The following ADAM15 variants were observed in gnomAD, a reference collection of about 807,000 sequenced individuals.
The protein encoded by ADAM15 is ADAM metallopeptidase domain 15, also known as disintegrin and metalloproteinase domain-containing protein 15.
A neutral mutation model predicts 113.8 loss-of-function variants in ADAM15; 77 were observed. The observed-to-expected ratio is 0.68, with a 90% CI of 0.56 to 0.82. The LOEUF is 0.82. ADAM15 is among the 40% of genes least tolerant of loss of function. ADAM15 has a pLI of 0.00. For synonymous variants in ADAM15, 388 were observed against 454.1 expected (o/e 0.85, Z 1.85); for missense variants, 963 against 1,120.1 (o/e 0.86, Z 2.00).
chr1:155,053,765 C>A, intron 3 of ADAM15, 145 bp from the exon 4 acceptor site: 1 of 919,524 alleles, frequency 1.1e-6, no homozygotes, highest in South Asian at 1.6e-5. Flanking sequence ...AACCAGTATA[C>A]TTTGCTGCCC....
At position 155,059,880 on chromosome 1, in the gene ADAM15, T is replaced by C. The variant is rs201312896; in HGVS notation, c.1996-22T>C. ...TAGTTCCAGAGTGCAGAGCTCCTCATTGCTCGCCTTGTACCTCCTAGGTCT... is the reference window on the plus strand; with the variant it reads ...TAGTTCCAGAGTGCAGAGCTCCTCACTGCTCGCCTTGTACCTCCTAGGTCT... On this transcript the variant is annotated intron_variant, in intron 16 of 22. Transcript: ENST00000356955. The C allele has an allele frequency of 3.7e-6, 6 of 1,612,622 alleles. No homozygotes were observed. The African/African-American group carries it at 6.7e-5, about 18-fold the overall frequency.
intron 16 of ADAM15, among the ~76,000 whole-genome samples, chr1:155,059,455 T>C (rs1662253888): frequency 6.6e-6 from 1 of 152,064 alleles, no homozygotes; most frequent in Non-Finnish European, 1.5e-5. Context: ...GAGACCCCCA[T>C]CTCTTTCAAG....
Position 155,058,495 on chromosome 1 carries a change from A to G in ADAM15, c.1917+54A>G, listed in dbSNP as rs114918994. The G allele has an allele frequency of 2.0e-3, 3,244 of 1,593,660 alleles. 51 individuals are homozygous for G. In the African/African-American group the frequency reaches 0.034, roughly 17 times the overall value. The stretch of plus-strand genomic sequence containing the variant: ...TGTGAGAAGGGACATTTGGACCACA[A>G]TGAACAGAGCCCAGACTTCACCATT... On this transcript the variant is annotated intron_variant, in intron 15 of 22. Transcript: ENST00000356955. The surrounding 1 kb of genome is among the most constrained non-coding windows in gnomAD (Gnocchi z 4.3).
rs746994356 is a variant in ADAM15 at position 155,057,051 on chromosome 1, C to T, written c.1098C>T (p.Pro366=). The part of the protein sequence containing the change: ...LDHDLPGNSC[P]CPGPAPAKTC... Reference sequence around the variant, plus strand: ...ATGATTTGCCTGGGAATAGCTGCCCCTGTCCAGGTCCAGCCCCAGCCAAGA... The same window carrying T: ...ATGATTTGCCTGGGAATAGCTGCCCTTGTCCAGGTCCAGCCCCAGCCAAGA... The change falls in exon 11 of 23, where the codon CCC becomes CCT. Residue 366 remains proline, a synonymous_variant. Transcript: ENST00000356955. The surrounding 1 kb of genome is among the most constrained non-coding windows in gnomAD (Gnocchi z 5.0). 2 of 1,600,732 alleles carry T rather than the reference C, an allele frequency of 1.2e-6. No individual in the cohort carries two copies. The highest frequency in any genetic ancestry group is 1.7e-4 in the Middle Eastern group (1 of 6,010).
intron 17 of ADAM15, 61 bp downstream of exon 17, chr1:155,060,035 G>GC (rs1193990738): frequency 2.5e-6 from 4 of 1,596,772 alleles, no homozygotes; most frequent in Non-Finnish European, 3.4e-6. Context: ...GCTTTATCTT[G>GC]CCCCCTCGGC....
At chr1:155,055,731 G>C in intron 6 of ADAM15, 59 bp from the exon 7 acceptor site, 1 of 1,597,006 alleles carries the variant, frequency 6.3e-7, no homozygotes, top group Non-Finnish European at 8.6e-7. Flanking sequence ...TGGTCAGCCC[G>C]GCACAGCTGC....
chr1:155,061,421 A>G lies in ADAM15; in HGVS notation c.2284A>G (p.Ser762Gly), dbSNP rs554279735. 1 of 1,612,846 alleles carries G rather than the reference A, an allele frequency of 6.2e-7. No individual in the cohort carries two copies. The highest frequency in any genetic ancestry group is 1.3e-5 in the African/African-American group (1 of 74,746). The change falls in exon 20 of 23, where the codon AGT (serine) becomes GGT (glycine). Residue 762 changes from serine (S) to glycine (G), a missense_variant. Physicochemically the swap from Ser to Gly is moderately conservative, Grantham distance 56. Coordinates refer to ENST00000356955, the MANE Select transcript of ADAM15 (RefSeq NM_207197.3). The stretch of plus-strand genomic sequence containing the variant: ...GCCCCTCCTGCCCTCTCAGCAGGCT[A>G]GTGCTCTCAGCTTCCCGGCCCCCCC... ...ALLARGTKQA[S>G]ALSFPAPPSR...
chr1:155,055,928 A>G lies in ADAM15; in HGVS notation c.676-4A>G. ...CCTTTCATGTCACCTCTCTTGGCCT[A>G]CAGGCCCAGAAATACCGGGACTTCC... On this transcript the variant is annotated splice_region_variant and splice_polypyrimidine_tract_variant and intron_variant, in intron 7 of 22. Coordinates refer to ENST00000356955, the MANE Select transcript of ADAM15 (RefSeq NM_207197.3). 6.2e-7 allele frequency: 1 copy of G among 1,614,030 alleles called. No individual in the cohort carries two copies.
chr1:155,057,509 G>T lies in ADAM15; in HGVS notation c.1324-128G>T. The T allele has an allele frequency of 1.3e-6, 2 of 1,485,042 alleles. No individual in the cohort carries two copies. The highest frequency in any genetic ancestry group is 1.2e-5 in the South Asian group (1 of 83,434). 92.0% of individuals were successfully genotyped at this position (1,485,042 alleles called of 1,614,324 possible). On this transcript the variant is annotated intron_variant, in intron 12 of 22. Coordinates refer to ENST00000356955, the MANE Select transcript of ADAM15 (RefSeq NM_207197.3). The surrounding 1 kb of genome is among the most constrained non-coding windows in gnomAD (Gnocchi z 5.0). ...GCCCTGTCTGTGGGGACAGCACATG[G>T]GTTGTTGGGCTCTAGCCCTCGCTTG...
Position 155,061,504 on chromosome 1 carries a change from G to A in ADAM15, c.2352+15G>A, listed in dbSNP as rs1470441161. 6.2e-7 allele frequency: 1 copy of A among 1,612,382 alleles called. No homozygotes were observed. The highest frequency in any genetic ancestry group is 1.3e-5 in the African/African-American group (1 of 74,910). On this transcript the variant is annotated intron_variant, in intron 20 of 22. Coordinates refer to ENST00000356955, the MANE Select transcript of ADAM15 (RefSeq NM_207197.3). ...AGAGACTCCAGGTAAATCTGGGCCA[G>A]GGCCCGCCCTGAGCCAAGGCAGGTG...
At position 155,054,385 on chromosome 1, in the gene ADAM15, C is replaced by G. The variant is rs763221077; in HGVS notation, c.491C>G (p.Pro164Arg). 7 of 1,610,852 alleles carry G rather than the reference C, an allele frequency of 4.3e-6. No individual in the cohort carries two copies. Among genetic ancestry groups the G allele is most frequent in the Admixed American group, 1.7e-5 (1 of 59,678 alleles). ...EQGPGDLQGP[P>R]IISRIQDLHL... Reference sequence around the variant, plus strand: ...GGGCCTGGGGACCTTCAGGGTCCTCCCATTATTTCGCGAATCCAAGATCTC... The same window carrying G: ...GGGCCTGGGGACCTTCAGGGTCCTCGCATTATTTCGCGAATCCAAGATCTC... Residue 164 changes from proline (P) to arginine (R), a missense_variant, in exon 6 of 23, where the codon CCC becomes CGC. Physicochemically the swap from Pro to Arg is moderately radical, Grantham distance 103 (BLOSUM62 -2). Transcript: ENST00000356955.
Position 155,058,399 on chromosome 1 carries a change from G to A in ADAM15, c.1875G>A (p.Gln625=). ...VHLDLGSDVA[Q]PLLTLPGTAC... is the part of the protein sequence containing the mutation. ...TGGACCTGGGCAGTGATGTGGCCCA[G>A]CCCCTCCTGACTCTGCCTGGCACAG... The change falls in exon 15 of 23, where the codon CAG becomes CAA. Residue 625 remains glutamine, a synonymous_variant. Transcript: ENST00000356955. The surrounding 1 kb of genome is among the most constrained non-coding windows in gnomAD (Gnocchi z 4.3). The A allele has an allele frequency of 6.2e-7, 1 of 1,613,482 alleles. No homozygotes were observed. Among genetic ancestry groups the A allele is most frequent in the Non-Finnish European group, 8.5e-7 (1 of 1,180,030 alleles).
chr1:155,053,380 AG>A, intron 2 of ADAM15, 36 bp from the exon 3 acceptor site: 1 of 1,599,958 alleles, frequency 6.3e-7, no homozygotes, highest in South Asian at 1.1e-5. Flanking sequence ...AGTTGTGGAC[AG>A]GTCTAGGGAG....
At chr1:155,052,236 C>T in intron 1 of ADAM15, 2 of 490,448 alleles carry the variant, frequency 4.1e-6, no homozygotes, top group South Asian at 4.9e-5. Flanking sequence ...ACTGCTCACC[C>T]AGAAATGGGC....
At position 155,055,945 on chromosome 1, in the gene ADAM15, G is replaced by C. The variant is rs753684580; in HGVS notation, c.689G>C (p.Arg230Pro). ...CTTGGCCTACAGGCCCAGAAATACCGGGACTTCCAGCACCTGCTAAACCGC... is the reference window on the plus strand; with the variant it reads ...CTTGGCCTACAGGCCCAGAAATACCCGGACTTCCAGCACCTGCTAAACCGC... ...VADHSEAQKY[R>P]DFQHLLNRTL... Residue 230 changes from arginine to proline, a missense_variant, in exon 8 of 23, where the codon CGG becomes CCG. Coordinates refer to ENST00000356955, the MANE Select transcript of ADAM15 (RefSeq NM_207197.3). 12 of 1,613,928 alleles carry C rather than the reference G, an allele frequency of 7.4e-6. 1 individual carries two copies. In the South Asian group the frequency reaches 1.2e-4, roughly 16 times the overall value.
In ADAM15 at chr1:155,062,605, G is replaced by T; in HGVS notation, c.*103G>T. ...ATGACTGAAGGCGCCAGAGACTGGCGGTGTCTTAAGACTCCGGGCACCGCC... is the reference window on the plus strand; with the variant it reads ...ATGACTGAAGGCGCCAGAGACTGGCTGTGTCTTAAGACTCCGGGCACCGCC... On this transcript the variant is annotated 3_prime_UTR_variant, in exon 23 of 23. Transcript: ENST00000356955. The surrounding 1 kb of genome is among the most constrained non-coding windows in gnomAD (Gnocchi z 7.0). The T allele has an allele frequency of 6.8e-7, 1 of 1,479,378 alleles. No homozygotes were observed. The allele number at this position is 1,479,378 out of a possible 1,614,324, so 91.6% of individuals were successfully genotyped here.
Position 155,057,992 on chromosome 1 carries a change from A to C in ADAM15, c.1558A>C (p.Met520Leu), listed in dbSNP as rs1195729896. The C allele has an allele frequency of 1.2e-6, 2 of 1,613,510 alleles. No individual in the cohort carries two copies. The highest frequency in any genetic ancestry group is 1.6e-4 in the Middle Eastern group (1 of 6,062). ...CTGCGCTGGCGGGCAAGCTGTGTGC[A>C]TGCACGGGCGTTGTGCCTCCTATGC... ...EPCAGGQAVCMHGRCASYAQQ... is the reference protein window; with the variant it reads ...EPCAGGQAVCLHGRCASYAQQ... The change falls in exon 14 of 23, where the codon ATG (methionine) becomes CTG (leucine). Residue 520 changes from methionine (M) to leucine (L), a missense_variant. Physicochemically the swap from Met to Leu is conservative, Grantham distance 15 (BLOSUM62 2). Coordinates refer to ENST00000356955, the MANE Select transcript of ADAM15 (RefSeq NM_207197.3). This position sits in a 1 kb window ranked among gnomAD's most constrained non-coding sequence, Gnocchi z 5.0.
Position 155,057,967 on chromosome 1 carries a change from C to T in ADAM15, c.1533C>T (p.Pro511=), listed in dbSNP as rs1340127003. 2.5e-6 allele frequency: 4 copies of T among 1,612,858 alleles called. No homozygotes were observed. The highest frequency in any genetic ancestry group is 2.2e-5 in the East Asian group (1 of 44,888). ...PPDVSLGDGE[P]CAGGQAVCMH... ...ATGTCAGCCTAGGGGATGGCGAGCC[C>T]TGCGCTGGCGGGCAAGCTGTGTGCA... The change falls in exon 14 of 23, where the codon CCC becomes CCT. Residue 511 remains proline (P), a synonymous_variant. Transcript: ENST00000356955. The surrounding 1 kb of genome is among the most constrained non-coding windows in gnomAD (Gnocchi z 5.0).
At chr1:155,053,114 C>CG (rs1558119028) in intron 2 of ADAM15, among the ~76,000 whole-genome samples, 1 of 130,160 alleles carries the variant, frequency 7.7e-6, no homozygotes, top group African/African-American at 2.8e-5. Context: ...CAAACCCCCC[C>CG]CCCCCCACCC....
Sources: allele counts gnomAD v4.1 joint callset (sites outside exome capture counted in the v4.1 genomes callset), GRCh38; gene constraint gnomAD v4.1.1; non-coding constraint Gnocchi (gnomAD v3.1); transcripts MANE v1.5; gene names NCBI Gene and HGNC (gene_info 2026-07-23, HGNC 2026-07-21).